DFFA: variants seen among roughly 807,000 people sequenced by gnomAD.
DFFA encodes DFF45.
A neutral mutation model predicts 28.0 loss-of-function variants in DFFA; 14 were observed. The ratio of observed to expected loss-of-function variants is 0.50; its 90% CI spans 0.33 to 0.78. The LOEUF (loss-of-function observed/expected upper bound fraction) is 0.78, where lower values mean the gene tolerates loss of function less well. DFFA is among the 30% of genes least tolerant of loss of function. The pLI, the probability that DFFA is intolerant of heterozygous loss-of-function variation, is 0.02. For missense variants in DFFA, 395 were observed against 407.1 expected (o/e 0.97, Z 0.26); for synonymous variants, 158 against 170.3 (o/e 0.93, Z 0.56).
chr1:10,464,777 G>A (rs923405628), intron 3 of DFFA, among the ~76,000 whole-genome samples: 8 of 152,078 alleles, frequency 5.3e-5, no homozygotes, highest in Admixed American at 5.2e-4. Flanking sequence ...GCCTTCCTCC[G>A]TGTTCCAGTC....
At position 10,461,611 on chromosome 1, in the gene DFFA, TC is replaced by T; in HGVS notation, c.874del (p.Glu292SerfsTer76). On this transcript the variant is annotated frameshift_variant, in exon 6 of 6. Transcript: ENST00000377038. LOFTEE classifies it low-confidence loss of function (END_TRUNC). ...TETVQEACER[E>X]LALRLQQTQS... ...CGTCTGCTGCAGGCGCAGGGCGAGCTCCCGCTCACAGGCCTCCTGAACAGTC... is the reference window on the plus strand; with the variant it reads ...CGTCTGCTGCAGGCGCAGGGCGAGCTCCGCTCACAGGCCTCCTGAACAGTC... 6.2e-7 allele frequency: 1 copy of T among 1,614,198 alleles called. No individual in the cohort carries two copies. The highest frequency in any genetic ancestry group is 1.1e-5 in the South Asian group (1 of 91,082).
At chr1:10,463,671 CTTTTTT>C in intron 3 of DFFA, 51 bp from the exon 4 acceptor site, 1 of 1,270,772 alleles carries the variant, frequency 7.9e-7, no homozygotes, top group Non-Finnish European at 1.1e-6. Context: ...TTCTGACTTT[CTTTTTT>C]TTTTTTGAGA....
At chr1:10,466,167 CAT>C (rs1471481232) in intron 3 of DFFA, among the ~76,000 whole-genome samples, 1 of 151,946 alleles carries the variant, frequency 6.6e-6, no homozygotes, top group Non-Finnish European at 1.5e-5. Flanking sequence ...TGAATGAAAA[CAT>C]ACTGTTTTTA....
In DFFA at chr1:10,458,260, C is replaced by T. The variant is rs1044443240; in HGVS notation, c.*3230G>A. On this transcript the variant is annotated 3_prime_UTR_variant, in exon 6 of 6. Coordinates refer to ENST00000377038, the MANE Select transcript of DFFA (RefSeq NM_004401.3). ...TTGTTGGAAATTATTTTCCTTTTTG[C>T]CCTGAAACAGTACATCTGGGGCATT... The T allele has an allele frequency of 3.9e-5, 6 of 152,092 alleles. No individual in the cohort carries two copies. The highest frequency in any genetic ancestry group is 1.4e-4 in the African/African-American group (6 of 41,408). 9.4% of individuals were successfully genotyped at this position (152,092 alleles called of 1,614,324 possible).
At position 10,459,731 on chromosome 1, in the gene DFFA, A is replaced by ATTT. The variant is rs1640901569; in HGVS notation, c.*1758_*1759insAAA. The ATTT allele has an allele frequency of 7.1e-6, 1 of 141,274 alleles. No homozygotes were observed. The highest frequency in any genetic ancestry group is 2.7e-5 in the African/African-American group (1 of 37,252). 8.8% of individuals were successfully genotyped at this position (141,274 alleles called of 1,614,324 possible). A position where few individuals can be genotyped will look rare whatever the true frequency, so the allele number is the denominator to read the frequency against. ...ATTGCCCTTGATGGTTACCTTTTTA[A>ATTT]AAAAAAAAAAAAAAAAGTAGGGTCT... is the stretch of plus-strand genomic sequence containing the variant. On this transcript the variant is annotated 3_prime_UTR_variant, in exon 6 of 6. Transcript: ENST00000377038.
Position 10,458,039 on chromosome 1 carries a change from T to G in DFFA, c.*3451A>C, listed in dbSNP as rs1570096616. On this transcript the variant is annotated 3_prime_UTR_variant, in exon 6 of 6. Coordinates refer to ENST00000377038, the MANE Select transcript of DFFA (RefSeq NM_004401.3). Reference sequence around the variant, plus strand: ...ATGGTGAGTTTTAATGTACCCTGGATTTCCTAGGAATGTAGCTACTCTGTA... The same window carrying G: ...ATGGTGAGTTTTAATGTACCCTGGAGTTCCTAGGAATGTAGCTACTCTGTA... The G allele has an allele frequency of 6.6e-6, 1 of 152,120 alleles. No individual in the cohort carries two copies. Among genetic ancestry groups the G allele is most frequent in the South Asian group, 2.1e-4 (1 of 4,826 alleles). 9.4% of individuals were successfully genotyped at this position (152,120 alleles called of 1,614,324 possible).
rs1457496897 is a variant in DFFA at position 10,460,704 on chromosome 1, T to A, written c.*786A>T. On this transcript the variant is annotated 3_prime_UTR_variant, in exon 6 of 6. Coordinates refer to ENST00000377038, the MANE Select transcript of DFFA (RefSeq NM_004401.3). ...GCCACCACGCCCAGCTAGTTTTTTG[T>A]ACTTTTAGTAAAAACACGTTTCACT... 2.0e-5 allele frequency: 3 copies of A among 151,592 alleles called. No homozygotes were observed. In the Admixed American group the frequency reaches 2.0e-4, roughly 10 times the overall value. The allele number at this position is 151,592 out of a possible 1,614,324, so 9.4% of individuals were successfully genotyped here. A position where few individuals can be genotyped will look rare whatever the true frequency, so the allele number is the denominator to read the frequency against.
rs1171500315 is a variant in DFFA at position 10,459,550 on chromosome 1, C to G, written c.*1940G>C. ...TACAAGCTTAATATGTATCTTTAAA[C>G]AAACACATAAAAAAATTCATTAACT... On this transcript the variant is annotated 3_prime_UTR_variant, in exon 6 of 6. Transcript: ENST00000377038. 1.3e-5 allele frequency: 2 copies of G among 152,054 alleles called. No individual in the cohort carries two copies. The highest frequency in any genetic ancestry group is 2.9e-5 in the Non-Finnish European group (2 of 68,016). 9.4% of individuals were successfully genotyped at this position (152,054 alleles called of 1,614,324 possible).
In DFFA at chr1:10,463,172, T is replaced by C. The variant is rs1286970490; in HGVS notation, c.669A>G (p.Val223=). 5.0e-6 allele frequency: 8 copies of C among 1,614,042 alleles called. No individual in the cohort carries two copies. Among genetic ancestry groups the C allele is most frequent in the Non-Finnish European group, 5.9e-6 (7 of 1,180,034 alleles). The change falls in exon 5 of 6, where the codon GTA becomes GTG. Residue 223 remains valine, a synonymous_variant. Coordinates refer to ENST00000377038, the MANE Select transcript of DFFA (RefSeq NM_004401.3). ...AGGTCTCTCTGCTGATACCCGTGTC[T>C]ACTGCATCCACCTCCTCACCAAAGG... ...KAAFGEEVDA[V]DTGISRETSS...
intron 2 of DFFA, among the ~76,000 whole-genome samples, chr1:10,468,158 C>A (rs1641047937): frequency 6.6e-6 from 1 of 151,422 alleles, no homozygotes; most frequent in South Asian, 2.1e-4. Flanking sequence ...CTCCCTAAAA[C>A]TAATCCCCTC....
chr1:10,465,445 T>C (rs1029457046), intron 3 of DFFA, among the ~76,000 whole-genome samples: 6 of 151,464 alleles, frequency 4.0e-5, no homozygotes, highest in African/African-American at 1.5e-4. Context: ...TTTATATTTT[T>C]AGTAGAGACG....
rs34862260 is a variant in DFFA, at chr1:10,460,907, CTTTTT to C, written c.*578_*582del. 4 of 80,364 alleles carry C rather than the reference CTTTTT, an allele frequency of 5.0e-5. No homozygotes were observed. The highest frequency in any genetic ancestry group is 5.0e-5 in the Non-Finnish European group (2 of 39,722). 5.0% of individuals were successfully genotyped at this position (80,364 alleles called of 1,614,324 possible). On this transcript the variant is annotated 3_prime_UTR_variant, in exon 6 of 6. Coordinates refer to ENST00000377038, the MANE Select transcript of DFFA (RefSeq NM_004401.3). ...GTGCGCCCATAGTCACTGCCAATTA[CTTTTT>C]TTTTTTTTTTTTTTGAGACGGAGTC...
chr1:10,463,293 AAG>A, intron 4 of DFFA, 84 bp from the exon 5 acceptor site: 1 of 1,573,460 alleles, frequency 6.4e-7, no homozygotes, highest in Non-Finnish European at 8.7e-7. Context: ...CTGGCCGGGC[AAG>A]AGAGAAACGT....
chr1:10,458,128 G>C lies in DFFA; in HGVS notation c.*3362C>G, dbSNP rs546819746. 6.6e-6 allele frequency: 1 copy of C among 152,202 alleles called. No homozygotes were observed. The highest frequency in any genetic ancestry group is 2.4e-5 in the African/African-American group (1 of 41,458). The allele number at this position is 152,202 out of a possible 1,614,324, so 9.4% of individuals were successfully genotyped here. On this transcript the variant is annotated 3_prime_UTR_variant, in exon 6 of 6. Transcript: ENST00000377038. ...ATTTCCAAGGGCAACGCTGCTGACGGTGTTTGAGCTGACAATCCCCGTGCC... is the reference window on the plus strand; with the variant it reads ...ATTTCCAAGGGCAACGCTGCTGACGCTGTTTGAGCTGACAATCCCCGTGCC...
chr1:10,464,259 A>T (rs1570104758), intron 3 of DFFA, among the ~76,000 whole-genome samples: 1 of 151,574 alleles, frequency 6.6e-6, no homozygotes, highest in Non-Finnish European at 1.5e-5. Flanking sequence ...CGCTTGGCTA[A>T]TTTTTTGTAT....
chr1:10,471,933 G>A (rs1366850922), intron 1 of DFFA, among the ~76,000 whole-genome samples: 1 of 152,140 alleles, frequency 6.6e-6, no homozygotes, highest in East Asian at 1.9e-4. Flanking sequence ...TCCTGCCAGA[G>A]CGGACGGTGG....
Position 10,458,281 on chromosome 1 carries a change from G to A in DFFA, c.*3209C>T, listed in dbSNP as rs907306638. On this transcript the variant is annotated 3_prime_UTR_variant, in exon 6 of 6. Transcript: ENST00000377038. ...TTTGCCCTGAAACAGTACATCTGGG[G>A]CATTATATTAATGCTTCTGTATGAG... 3.9e-5 allele frequency: 6 copies of A among 152,140 alleles called. No individual in the cohort carries two copies. The highest frequency in any genetic ancestry group is 9.7e-5 in the African/African-American group (4 of 41,434). 9.4% of individuals were successfully genotyped at this position (152,140 alleles called of 1,614,324 possible). A position where few individuals can be genotyped will look rare whatever the true frequency, so the allele number is the denominator to read the frequency against.
rs1641110684 is a variant in DFFA at position 10,472,353 on chromosome 1, C to A, written c.106G>T (p.Ala36Ser). ...NYSREQHGVA[A>S]SCLEDLRSKA... ...CTCCTCAGGTCTTCGAGGCAGGAGG[C>A]GGCCACGCCGTGCTGTTCGCGGCTG... Residue 36 changes from alanine to serine, a missense_variant, in exon 1 of 6, where the codon GCC becomes TCC. Ala to Ser is a moderately conservative substitution (Grantham distance 99, BLOSUM62 1). Transcript: ENST00000377038. The surrounding 1 kb of genome is among the most constrained non-coding windows in gnomAD (Gnocchi z 5.0). 1 of 1,607,972 alleles carries A rather than the reference C, an allele frequency of 6.2e-7. No homozygotes were observed. Among genetic ancestry groups the A allele is most frequent in the South Asian group, 1.1e-5 (1 of 90,450 alleles).
At chr1:10,466,929 G>A (rs1570107583) in intron 3 of DFFA, among the ~76,000 whole-genome samples, 1 of 141,032 alleles carries the variant, frequency 7.1e-6, no homozygotes, top group South Asian at 2.3e-4. Context: ...CTCCAGCCTG[G>A]GCGACAGAGT....
Sources: allele counts gnomAD v4.1 joint callset (sites outside exome capture counted in the v4.1 genomes callset), GRCh38; gene constraint gnomAD v4.1.1; non-coding constraint Gnocchi (gnomAD v3.1); transcripts MANE v1.5; gene names NCBI Gene and HGNC (gene_info 2026-07-23, HGNC 2026-07-21).